Variants in ADAP1 observed in about 807,000 individuals in gnomAD.
ADAP1 encodes the protein ArfGAP with dual PH domains 1.
ADAP1 carries 31 observed loss-of-function variants against 54.9 expected under a neutral mutation model. That is an observed-to-expected ratio of 0.56 (90% confidence interval 0.42 to 0.76). The LOEUF is 0.76. Ranked by LOEUF, ADAP1 falls within the 30% of genes least tolerant of loss-of-function variation. ADAP1 has a pLI of 0.00. For synonymous variants in ADAP1, 313 were observed against 202.6 expected, an observed-to-expected ratio of 1.55 and a Z score of -4.63; for missense variants, 535 against 512.4, an observed-to-expected ratio of 1.04 and a Z score of -0.42.
At chr7:911,266 C>T (rs1222558535) in intron 4 of ADAP1, among the ~76,000 whole-genome samples, 2 of 152,178 alleles carry the variant, frequency 1.3e-5, no homozygotes, top group Non-Finnish European at 2.9e-5. Context: ...ATATAGCCCC[C>T]AGCATGGGGC....
intron 1 of ADAP1, among the ~76,000 whole-genome samples, chr7:944,779 G>A (rs550997321): frequency 1.3e-5 from 2 of 152,032 alleles, no homozygotes; most frequent in African/African-American, 2.4e-5. Context: ...GTTGACAATC[G>A]TCACCCTGTT....
chr7:898,572 G>A lies in ADAP1; in HGVS notation c.*349C>T. On this transcript the variant is annotated 3_prime_UTR_variant, in exon 11 of 11. Coordinates refer to ENST00000265846, the MANE Select transcript of ADAP1 (RefSeq NM_006869.4). ...AAGCAGGGCTCTGCGCTGAGGCCTG[G>A]AAGTTCCCACAGCCGTGGTGGGCGG... 1 of 402,284 alleles carries A rather than the reference G, an allele frequency of 2.5e-6. No homozygotes were observed. Among genetic ancestry groups the A allele is most frequent in the Non-Finnish European group, 4.7e-6 (1 of 212,242 alleles). 24.9% of individuals were successfully genotyped at this position (402,284 alleles called of 1,614,324 possible).
At chr7:937,917 C>T (rs1212912673) in intron 1 of ADAP1, among the ~76,000 whole-genome samples, 1 of 152,166 alleles carries the variant, frequency 6.6e-6, no homozygotes, top group Non-Finnish European at 1.5e-5. Flanking sequence ...GGATCTGGCA[C>T]AGAGCTCAGT....
At chr7:915,263 C>T (rs1387524382) in intron 4 of ADAP1, among the ~76,000 whole-genome samples, 2 of 108,720 alleles carry the variant, frequency 1.8e-5, no homozygotes, top group South Asian at 2.8e-4. Flanking sequence ...TCACCTGTGC[C>T]GCACACACCC....
intron 2 of ADAP1, chr7:927,384 A>G: frequency 3.4e-6 from 2 of 582,570 alleles, no homozygotes; most frequent in Admixed American, 2.5e-5. Context: ...GAGCAGCAGG[A>G]GGGGCCGCCA....
At position 920,168 on chromosome 7, in the gene ADAP1, C is replaced by T. The variant is rs919717761; in HGVS notation, c.306-118G>A. On this transcript the variant is annotated intron_variant, in intron 3 of 10. Transcript: ENST00000265846. This position sits in a 1 kb window ranked among gnomAD's most constrained non-coding sequence, Gnocchi z 4.5. ...GGCTCATAGGGACCCCCGGCAGACT[C>T]GAGCCGCCCCTCTGGGCACAAGATC... The T allele has an allele frequency of 1.7e-5, 14 of 807,648 alleles. No individual in the cohort carries two copies. The highest frequency in any genetic ancestry group is 5.0e-5 in the Admixed American group (2 of 40,070). 50.0% of individuals were successfully genotyped at this position (807,648 alleles called of 1,614,324 possible).
At chr7:932,254 G>T (rs1304535868) in intron 2 of ADAP1, among the ~76,000 whole-genome samples, 1 of 152,084 alleles carries the variant, frequency 6.6e-6, no homozygotes, top group East Asian at 1.9e-4. Context: ...ACCCACGGTG[G>T]GCCCTCCCCA....
upstream of ADAP1, among the ~76,000 whole-genome samples, chr7:954,946 C>T (rs1173890168): frequency 6.6e-6 from 1 of 152,102 alleles, no homozygotes; most frequent in East Asian, 1.9e-4. Flanking sequence ...ACGGAGCCTG[C>T]ACACCTACTG....
intron 1 of ADAP1, among the ~76,000 whole-genome samples, chr7:950,124 T>C (rs1032270054): frequency 1.3e-5 from 2 of 152,058 alleles, no homozygotes; most frequent in African/African-American, 4.8e-5. Context: ...TGCAGGGAAA[T>C]CCCAGCACTC....
In ADAP1 at chr7:945,636, C is replaced by G; in HGVS notation, c.82+8760G>C. 1.4e-6 allele frequency: 1 copy of G among 692,412 alleles called. No individual in the cohort carries two copies. Among genetic ancestry groups the G allele is most frequent in the African/African-American group, 1.9e-5 (1 of 51,504 alleles). 42.9% of individuals were successfully genotyped at this position (692,412 alleles called of 1,614,324 possible). On this transcript the variant is annotated intron_variant, in intron 1 of 10. Transcript: ENST00000265846. The surrounding 1 kb of genome is among the most constrained non-coding windows in gnomAD (Gnocchi z 4.2). The stretch of plus-strand genomic sequence containing the variant: ...GAGTGCCAGGTAGGGAGGGGCAGGC[C>G]CAAGACTCCAGCCCCCACAAACATC...
intron 1 of ADAP1, among the ~76,000 whole-genome samples, chr7:943,897 T>A (rs1040993842): frequency 6.6e-6 from 1 of 150,938 alleles, no homozygotes; most frequent in African/African-American, 2.4e-5. Flanking sequence ...AGAGAGAAAT[T>A]GACCTCATCA....
intron 6 of ADAP1, among the ~76,000 whole-genome samples, chr7:902,475 A>AAATGCCTGGGC (rs1491159593): frequency 2.6e-3 from 370 of 142,062 alleles, no homozygotes; most frequent in Middle Eastern, 3.6e-3. Context: ...AAAAAAAGAA[A>AAATGCCTGGGC]GAAAAGAAAG....
At chr7:953,532 G>A (rs950016717) in intron 1 of ADAP1, among the ~76,000 whole-genome samples, 3 of 152,238 alleles carry the variant, frequency 2.0e-5, no homozygotes, top group South Asian at 4.1e-4. Flanking sequence ...GGTTTGTTCC[G>A]AGGGGCTTAG....
chr7:899,492 T>C lies in ADAP1; in HGVS notation c.796-2A>G. ...GCGCTTCCGGAAGCCTTCCGTTTGC[T>C]GTGGGTCAGAGAGGGCCCGTGACCG... On this transcript the variant is annotated splice_acceptor_variant, in intron 8 of 10. Coordinates refer to ENST00000265846, the MANE Select transcript of ADAP1 (RefSeq NM_006869.4). LOFTEE classifies it high-confidence loss of function. 6.2e-7 allele frequency: 1 copy of C among 1,612,698 alleles called. No homozygotes were observed. The highest frequency in any genetic ancestry group is 8.5e-7 in the Non-Finnish European group (1 of 1,179,738).
At chr7:924,837 G>A (rs971380178) in intron 3 of ADAP1, among the ~76,000 whole-genome samples, 2 of 152,102 alleles carry the variant, frequency 1.3e-5, no homozygotes, top group Admixed American at 6.5e-5. Context: ...CTGGGGGCGG[G>A]GTGATAAAAT....
In ADAP1 at chr7:935,356, C is replaced by G; in HGVS notation, c.213+19G>C. 2 of 1,550,856 alleles carry G rather than the reference C, an allele frequency of 1.3e-6. No individual in the cohort carries two copies. The highest frequency in any genetic ancestry group is 1.7e-6 in the Non-Finnish European group (2 of 1,147,600). On this transcript the variant is annotated intron_variant, in intron 2 of 10. Coordinates refer to ENST00000265846, the MANE Select transcript of ADAP1 (RefSeq NM_006869.4). Reference sequence around the variant, plus strand: ...CACCCGGGGACTGCGCGGGTCCCCCCGCCCCTCCCCCTCCGTACCTCCACT... The same window carrying G: ...CACCCGGGGACTGCGCGGGTCCCCCGGCCCCTCCCCCTCCGTACCTCCACT...
chr7:905,289 G>GA (rs1424916092), intron 4 of ADAP1, 117 bp from the exon 5 acceptor site: 27 of 470,512 alleles, frequency 5.7e-5, no homozygotes, highest in African/African-American at 7.8e-5. Context: ...CACGGACGGG[G>GA]GACACGGACA....
In ADAP1 at chr7:954,451, G is replaced by A; in HGVS notation, c.27C>T (p.Val9=). 4.5e-6 allele frequency: 5 copies of A among 1,111,468 alleles called. No homozygotes were observed. The highest frequency in any genetic ancestry group is 4.4e-6 in the Non-Finnish European group (4 of 905,012). 68.9% of individuals were successfully genotyped at this position (1,111,468 alleles called of 1,614,324 possible). Residue 9 remains valine (V), a synonymous_variant, in exon 1 of 11, where the codon GTC becomes GTT. Coordinates refer to ENST00000265846, the MANE Select transcript of ADAP1 (RefSeq NM_006869.4). ...TCCCCGGCCGCTGCAGCAGCTCCAG[G>A]ACCGCCCTGCGCCGCTCCTTGGCCA... MAKERRRA[V]LELLQRPGNA...
In ADAP1 at chr7:920,541, C is replaced by T. The variant is rs1256081599; in HGVS notation, c.306-491G>A. 2.0e-5 allele frequency among the ~76,000 whole-genome samples: 3 copies of T among 151,980 alleles called. No individual in the cohort carries two copies. Among genetic ancestry groups the T allele is most frequent in the South Asian group, 2.1e-4 (1 of 4,830 alleles). On this transcript the variant is annotated intron_variant, in intron 3 of 10. Transcript: ENST00000265846. This position sits in a 1 kb window ranked among gnomAD's most constrained non-coding sequence, Gnocchi z 4.5. ...ACCCCCCGTGCCGCCCTCCACCCGC[C>T]GTGCCGCCCTCCACGTGGTTCTGAG...
Sources: allele counts gnomAD v4.1 joint callset (sites outside exome capture counted in the v4.1 genomes callset), GRCh38; gene constraint gnomAD v4.1.1; non-coding constraint Gnocchi (gnomAD v3.1); transcripts MANE v1.5; gene names NCBI Gene and HGNC (gene_info 2026-07-23, HGNC 2026-07-21).